Variants in BANP observed in about 807,000 individuals in gnomAD.
The protein encoded by BANP is protein BANP.
A neutral mutation model predicts 68.1 loss-of-function variants in BANP; 11 were observed. The observed-to-expected ratio is 0.16, with a 90% CI of 0.10 to 0.27. The LOEUF (loss-of-function observed/expected upper bound fraction) is 0.27, where lower values mean the gene tolerates loss of function less well. Ranked by LOEUF, BANP falls within the 10% of genes least tolerant of loss-of-function variation. The pLI, the probability that BANP is intolerant of heterozygous loss-of-function variation, is 1.00. For missense variants in BANP, 504 were observed against 722.7 expected (o/e 0.70, Z 3.47); for synonymous variants, 329 against 303.2 (o/e 1.09, Z -0.88).
At chr16:87,978,632 G>A (rs2062653115) in intron 2 of BANP, 3 of 470,128 alleles carry the variant, frequency 6.4e-6, no homozygotes, top group African/African-American at 4.0e-5. Context: ...CGAAGGCATA[G>A]CCGTGTGCTG....
intron 11 of BANP, among the ~76,000 whole-genome samples, chr16:88,061,735 G>C (rs921018705): frequency 6.6e-6 from 1 of 151,124 alleles, no homozygotes; most frequent in African/African-American, 2.4e-5. Context: ...GCACGATCTC[G>C]GCTCACCGCA....
chr16:88,005,382 A>T (rs984364715), intron 5 of BANP, among the ~76,000 whole-genome samples: 1 of 152,206 alleles, frequency 6.6e-6, no homozygotes, highest in Non-Finnish European at 1.5e-5. Context: ...GACTTTGCAT[A>T]TAGAGAAATT....
intron 4 of BANP, among the ~76,000 whole-genome samples, chr16:87,993,664 G>C (rs932651411): frequency 6.6e-6 from 1 of 151,174 alleles, no homozygotes; most frequent in Non-Finnish European, 1.5e-5. Context: ...GCAGTGGGGC[G>C]ATCTCTTACT....
intron 1 of BANP, among the ~76,000 whole-genome samples, chr16:87,974,601 G>A (rs558938659): frequency 7.2e-5 from 11 of 152,326 alleles, no homozygotes; most frequent in African/African-American, 2.4e-4. Context: ...GTATCACCAC[G>A]GAGACCAGTG....
chr16:88,070,463 C>T (rs577836388), intron 12 of BANP, among the ~76,000 whole-genome samples: 3 of 152,272 alleles, frequency 2.0e-5, no homozygotes, highest in South Asian at 2.1e-4. Context: ...AACAAAATCC[C>T]GAGGCAGAAG....
intron 10 of BANP, among the ~76,000 whole-genome samples, chr16:88,035,962 C>T (rs989114435): frequency 1.2e-4 from 19 of 152,208 alleles, no homozygotes; most frequent in Non-Finnish European, 2.5e-4. Flanking sequence ...CTCAGAAGTG[C>T]GGGCTCAGCT....
intron 8 of BANP, among the ~76,000 whole-genome samples, 196 bp from the exon 9 acceptor site, chr16:88,032,913 G>A (rs930532200): frequency 2.4e-4 from 37 of 152,198 alleles, no homozygotes; most frequent in African/African-American, 7.7e-4. Flanking sequence ...ATTCCATGTC[G>A]GAAGCCTCAG....
chr16:88,026,316 G>C (rs959747778), intron 7 of BANP, among the ~76,000 whole-genome samples: 2 of 152,224 alleles, frequency 1.3e-5, no homozygotes, highest in Non-Finnish European at 2.9e-5. Flanking sequence ...TAAGGAGTTT[G>C]TACTCTAGTT....
intron 11 of BANP, among the ~76,000 whole-genome samples, chr16:88,054,835 T>G (rs1352061707): frequency 6.6e-6 from 1 of 152,222 alleles, no homozygotes. Context: ...CAGTGTTGCT[T>G]CAGGATAAAG....
chr16:88,006,061 C>T (rs1404350602), intron 5 of BANP, 29 bp from the exon 6 acceptor site: 7 of 1,612,970 alleles, frequency 4.3e-6, no homozygotes, highest in East Asian at 2.2e-5. Context: ...CTTACCACAT[C>T]GGGCTGGTGT....
chr16:87,966,344 C>T (rs896583888), intron 1 of BANP, among the ~76,000 whole-genome samples: 1 of 152,184 alleles, frequency 6.6e-6, no homozygotes, highest in African/African-American at 2.4e-5. Flanking sequence ...AAGAGGCTTG[C>T]TTGAGCATTA....
At chr16:87,996,922 T>A (rs2067413454) in intron 4 of BANP, among the ~76,000 whole-genome samples, 1 of 152,254 alleles carries the variant, frequency 6.6e-6, no homozygotes, top group Admixed American at 6.5e-5. Flanking sequence ...GTTTTGCATG[T>A]ACTTGGACAA....
rs917147601 is a variant in BANP at position 88,071,034 on chromosome 16, G to C, written c.1378-1035G>C. On this transcript the variant is annotated intron_variant, in intron 12 of 13. Transcript: ENST00000682872. This position sits in a 1 kb window ranked among gnomAD's most constrained non-coding sequence, Gnocchi z 6.5. ...GGCGCTGTCTCTGCAGTGTGTTTGC[G>C]GGGGCCAAGTTTGCTCTGTGCAGTG... The C allele has an allele frequency of 6.1e-6, 1 of 164,304 alleles. No individual in the cohort carries two copies. The highest frequency in any genetic ancestry group is 2.4e-5 in the African/African-American group (1 of 41,538). The allele number at this position is 164,304 out of a possible 1,614,324, so 10.2% of individuals were successfully genotyped here. A position where few individuals can be genotyped will look rare whatever the true frequency, so the allele number is the denominator to read the frequency against.
chr16:88,038,030 A>G lies in BANP; in HGVS notation c.1311+19A>G, dbSNP rs369335103. Reference sequence around the variant, plus strand: ...CGGTCAGGTGAGTGTCCCAGTCCCCATGCACATGCGGGCGTTGCGCTGCCG... The same window carrying G: ...CGGTCAGGTGAGTGTCCCAGTCCCCGTGCACATGCGGGCGTTGCGCTGCCG... On this transcript the variant is annotated intron_variant, in intron 11 of 13. Coordinates refer to ENST00000682872, the MANE Select transcript of BANP (RefSeq NM_001386991.1). 4 of 1,599,656 alleles carry G rather than the reference A, an allele frequency of 2.5e-6. No homozygotes were observed. The highest frequency in any genetic ancestry group is 2.7e-5 in the African/African-American group (2 of 74,184).
At chr16:88,029,590 T>G (rs965896754) in intron 8 of BANP, among the ~76,000 whole-genome samples, 21 of 137,610 alleles carry the variant, frequency 1.5e-4, no homozygotes, top group East Asian at 4.2e-4. Context: ...CAGCCTGGGC[T>G]ACAGAGCAAG....
chr16:88,045,543 C>T (rs911575385), intron 11 of BANP, among the ~76,000 whole-genome samples: 6 of 152,188 alleles, frequency 3.9e-5, no homozygotes, highest in Admixed American at 2.0e-4. Flanking sequence ...ACATAACATG[C>T]TGGACTCCCT....
At chr16:88,045,481 A>G (rs2081803746) in intron 11 of BANP, among the ~76,000 whole-genome samples, 1 of 152,228 alleles carries the variant, frequency 6.6e-6, no homozygotes, top group Non-Finnish European at 1.5e-5. Flanking sequence ...GCCAGAGCCC[A>G]GGCTCTTCCA....
Position 88,004,436 on chromosome 16 carries a change from C to G in BANP, c.479+25C>G, listed in dbSNP as rs1351017920. On this transcript the variant is annotated intron_variant, in intron 5 of 13. Transcript: ENST00000682872. The surrounding 1 kb of genome is among the most constrained non-coding windows in gnomAD (Gnocchi z 7.0). Reference sequence around the variant, plus strand: ...AGTCAGTAGCACGGCACCAACCCCACCTTTCCCTGCCACTGTGCGGAGTCC... The same window carrying G: ...AGTCAGTAGCACGGCACCAACCCCAGCTTTCCCTGCCACTGTGCGGAGTCC... 1 of 1,279,516 alleles carries G rather than the reference C, an allele frequency of 7.8e-7. No homozygotes were observed. The highest frequency in any genetic ancestry group is 2.5e-5 in the East Asian group (1 of 39,610). 79.3% of individuals were successfully genotyped at this position (1,279,516 alleles called of 1,614,324 possible).
chr16:88,052,470 A>C (rs2083472031), intron 11 of BANP, among the ~76,000 whole-genome samples: 1 of 150,492 alleles, frequency 6.6e-6, no homozygotes, highest in Admixed American at 6.7e-5. Context: ...GGACCGTTCA[A>C]GGAGTTAAAG....
Sources: allele counts gnomAD v4.1 joint callset (sites outside exome capture counted in the v4.1 genomes callset), GRCh38; gene constraint gnomAD v4.1.1; non-coding constraint Gnocchi (gnomAD v3.1); transcripts MANE v1.5; gene names NCBI Gene and HGNC (gene_info 2026-07-23, HGNC 2026-07-21).